The following PITPNM2 variants were observed in gnomAD, a reference collection of about 807,000 sequenced individuals.
The protein encoded by PITPNM2 is membrane-associated phosphatidylinositol transfer protein 2.
PITPNM2 carries 35 observed loss-of-function variants against 132.2 expected under a neutral mutation model. That is an observed-to-expected ratio of 0.26 (90% CI 0.20 to 0.35). PITPNM2 has a LOEUF of 0.35. Among genes scored for constraint, PITPNM2 ranks in the 10% least tolerant of loss-of-function variants. The pLI is 1.00. For missense variants in PITPNM2, 1,332 were observed against 1,912.0 expected (o/e 0.70, Z 5.66); for synonymous variants, 738 against 799.2 (o/e 0.92, Z 1.29).
chr12:123,050,529 T>A (rs1427589834), intron 2 of PITPNM2, among the ~76,000 whole-genome samples: 1 of 152,046 alleles, frequency 6.6e-6, no homozygotes, highest in Non-Finnish European at 1.5e-5. Context: ...GCGTCTTAGG[T>A]CACCAATAAC....
At chr12:123,128,956 G>A (rs1305328123) in intron 1 of PITPNM2, among the ~76,000 whole-genome samples, 5 of 151,988 alleles carry the variant, frequency 3.3e-5, no homozygotes, top group Admixed American at 2.0e-4. Context: ...CCAACATGGC[G>A]AAATCCCGTC....
chr12:123,067,968 T>C lies in PITPNM2; in HGVS notation c.-95-33283A>G, dbSNP rs572969194. Reference sequence around the variant, plus strand: ...GGCTGTTAGCAGGGCTGCAGCCCAATTAGCTCAGGGCATGCGAGGAGCCAA... The same window carrying C: ...GGCTGTTAGCAGGGCTGCAGCCCAACTAGCTCAGGGCATGCGAGGAGCCAA... On this transcript the variant is annotated intron_variant, in intron 2 of 25. Coordinates refer to ENST00000320201, the MANE Select transcript of PITPNM2 (RefSeq NM_020845.3). 1.3e-4 allele frequency among the ~76,000 whole-genome samples: 20 copies of C among 152,246 alleles called. No homozygotes were observed. The South Asian group carries it at 3.1e-3, about 24-fold the overall frequency.
In PITPNM2 at chr12:123,057,641, GC is replaced by G. The variant is rs61316057; in HGVS notation, c.-95-22957del. Among the ~76,000 whole-genome samples, 560 of 152,288 alleles carry G rather than the reference GC, an allele frequency of 3.7e-3. 4 individuals are homozygous for G. The highest frequency in any genetic ancestry group is 0.013 in the African/African-American group (528 of 41,562). On this transcript the variant is annotated intron_variant, in intron 2 of 25. Transcript: ENST00000320201. ...GGCCTATGGACACCAAAGCTGGGGC[GC>G]CCGGCCAGAACCTGAAGCCCCAGGG...
chr12:123,025,906 T>C (rs1199771546), intron 3 of PITPNM2, among the ~76,000 whole-genome samples: 2 of 152,112 alleles, frequency 1.3e-5, no homozygotes, highest in African/African-American at 2.4e-5. Context: ...TACCCCCAAG[T>C]CACAGATGAG....
chr12:123,007,535 A>C, intron 6 of PITPNM2: 1 of 367,156 alleles, frequency 2.7e-6, no homozygotes, highest in Admixed American at 3.6e-5. Flanking sequence ...TCTCCTGTGT[A>C]CCCTCTTTTC....
intron 2 of PITPNM2, among the ~76,000 whole-genome samples, chr12:123,048,691 C>T (rs1470804874): frequency 6.6e-6 from 1 of 152,176 alleles, no homozygotes; most frequent in East Asian, 1.9e-4. Flanking sequence ...GGATTACAGG[C>T]GTGAGCCACC....
At chr12:123,032,024 C>CCA (rs1221035974) in intron 3 of PITPNM2, among the ~76,000 whole-genome samples, 1 of 152,216 alleles carries the variant, frequency 6.6e-6, no homozygotes, top group Admixed American at 6.5e-5. Context: ...TTCCATCCTG[C>CCA]CACAATCCTA....
In PITPNM2 at chr12:123,031,210, G is replaced by A. The variant is rs747401669; in HGVS notation, c.78+3303C>T. Among the ~76,000 whole-genome samples, 3 of 152,216 alleles carry A rather than the reference G, an allele frequency of 2.0e-5. No individual in the cohort carries two copies. The highest frequency in any genetic ancestry group is 4.4e-5 in the Non-Finnish European group (3 of 68,036). The stretch of plus-strand genomic sequence containing the variant: ...AAGCCCAAAGCCCCTAGTCCCAAAA[G>A]AATTTCTTCCAAATGCTATAGAGAC... On this transcript the variant is annotated intron_variant, in intron 3 of 25. Transcript: ENST00000320201. This position sits in a 1 kb window ranked among gnomAD's most constrained non-coding sequence, Gnocchi z 4.5.
At position 123,031,042 on chromosome 12, in the gene PITPNM2, G is replaced by A. The variant is rs1222061662; in HGVS notation, c.78+3471C>T. 6.6e-6 allele frequency among the ~76,000 whole-genome samples: 1 copy of A among 152,200 alleles called. No individual in the cohort carries two copies. Among genetic ancestry groups the A allele is most frequent in the Non-Finnish European group, 1.5e-5 (1 of 68,038 alleles). On this transcript the variant is annotated intron_variant, in intron 3 of 25. Coordinates refer to ENST00000320201, the MANE Select transcript of PITPNM2 (RefSeq NM_020845.3). This position sits in a 1 kb window ranked among gnomAD's most constrained non-coding sequence, Gnocchi z 4.5. ...ATATGGGGTTTCTTTCTGGGGTGAT[G>A]AAAGTGTTTTGGAACTAAAGTTGGT...
chr12:123,045,939 A>G (rs2136589234), intron 2 of PITPNM2, among the ~76,000 whole-genome samples: 1 of 152,094 alleles, frequency 6.6e-6, no homozygotes, highest in African/African-American at 2.4e-5. Context: ...GTACAGACCC[A>G]GCCGTCCCTG....
At chr12:123,130,064 C>A (rs562813095) in intron 1 of PITPNM2, among the ~76,000 whole-genome samples, 1 of 152,078 alleles carries the variant, frequency 6.6e-6, no homozygotes, top group African/African-American at 2.4e-5. Context: ...CCACCATACC[C>A]AGCTAATTTT....
chr12:123,090,749 T>A (rs2137106706), intron 2 of PITPNM2: 1 of 152,234 alleles, frequency 6.6e-6, no homozygotes, highest in Non-Finnish European at 1.5e-5. Context: ...GGTAGCCCGA[T>A]TCAGTATGGG....
At position 123,071,415 on chromosome 12, in the gene PITPNM2, G is replaced by C. The variant is rs1029876311; in HGVS notation, c.-95-36730C>G. ...CTTCCTAGGGTGGAGGACAGCCAGA[G>C]AGAGACCCGCAGGCTGGATAACTCT... is the stretch of plus-strand genomic sequence containing the variant. On this transcript the variant is annotated intron_variant, in intron 2 of 25. Coordinates refer to ENST00000320201, the MANE Select transcript of PITPNM2 (RefSeq NM_020845.3). Among the ~76,000 whole-genome samples, 3 of 152,226 alleles carry C rather than the reference G, an allele frequency of 2.0e-5. No homozygotes were observed. In the East Asian group the frequency reaches 5.8e-4, roughly 29 times the overall value.
intron 2 of PITPNM2, among the ~76,000 whole-genome samples, chr12:123,075,062 A>AG (rs2041742504): frequency 6.6e-6 from 1 of 152,170 alleles, no homozygotes. Context: ...TGTGGGTGTG[A>AG]GCTTGTGAGT....
intron 1 of PITPNM2, among the ~76,000 whole-genome samples, chr12:123,112,132 T>C (rs1372599527): frequency 6.6e-6 from 1 of 152,112 alleles, no homozygotes; most frequent in Non-Finnish European, 1.5e-5. Context: ...GGGAATTATG[T>C]TTCTGACTAA....
intron 1 of PITPNM2, among the ~76,000 whole-genome samples, chr12:123,138,399 G>A (rs2043429187): frequency 6.6e-6 from 1 of 152,262 alleles, no homozygotes; most frequent in Non-Finnish European, 1.5e-5. Context: ...AGTAAGCTGT[G>A]TTGGTGTCAC....
rs528412838 is a variant in PITPNM2 at position 122,985,704 on chromosome 12, A to G, written c.*323T>C. ...GAGGTGGCAGGCTGCGCCTGGGCCC[A>G]CACCTGGCACCAGGACACTTGGAGA... On this transcript the variant is annotated 3_prime_UTR_variant, in exon 26 of 26. Coordinates refer to ENST00000320201, the MANE Select transcript of PITPNM2 (RefSeq NM_020845.3). The G allele has an allele frequency of 3.7e-4, 101 of 270,104 alleles. No individual in the cohort carries two copies. Among genetic ancestry groups the G allele is most frequent in the African/African-American group, 2.1e-3 (88 of 42,356 alleles). 16.7% of individuals were successfully genotyped at this position (270,104 alleles called of 1,614,324 possible).
chr12:123,121,859 GT>G (rs2043039843), intron 1 of PITPNM2, among the ~76,000 whole-genome samples: 2 of 149,108 alleles, frequency 1.3e-5, no homozygotes, highest in Non-Finnish European at 3.0e-5. Context: ...TCAACCTTTT[GT>G]TTGTTTGTTT....
At chr12:123,029,116 C>A (rs1280424140) in intron 3 of PITPNM2, among the ~76,000 whole-genome samples, 3 of 152,182 alleles carry the variant, frequency 2.0e-5, no homozygotes, top group South Asian at 4.1e-4. Flanking sequence ...TGGTCCTCTC[C>A]GCCTGCCAGG....
Sources: allele counts gnomAD v4.1 joint callset (sites outside exome capture counted in the v4.1 genomes callset), GRCh38; gene constraint gnomAD v4.1.1; non-coding constraint Gnocchi (gnomAD v3.1); transcripts MANE v1.5; gene names NCBI Gene and HGNC (gene_info 2026-07-23, HGNC 2026-07-21).